The following BRINP1 variants were observed in gnomAD, a reference collection of about 807,000 sequenced individuals.
The protein encoded by BRINP1 is BMP/retinoic acid-inducible neural-specific protein 1.
BRINP1 carries 17 observed loss-of-function variants against 72.9 expected under a neutral mutation model. The ratio of observed to expected loss-of-function variants is 0.23; its 90% CI spans 0.16 to 0.35. The LOEUF (loss-of-function observed/expected upper bound fraction) is 0.35, where lower values mean the gene tolerates loss of function less well. Ranked by LOEUF, BRINP1 falls within the 10% of genes least tolerant of loss-of-function variation. BRINP1 has a pLI of 1.00. For missense variants in BRINP1, 850 were observed against 1,001.6 expected, an observed-to-expected ratio of 0.85 and a Z score of 2.04; for synonymous variants, 418 against 378.5, an observed-to-expected ratio of 1.10 and a Z score of -1.21.
In BRINP1 at chr9:119,170,644, C is replaced by A. The variant is rs1024415787; in HGVS notation, c.1146-2420G>T. Among the ~76,000 whole-genome samples, 9 of 144,572 alleles carry A rather than the reference C, an allele frequency of 6.2e-5. No homozygotes were observed. The South Asian group carries it at 1.9e-3, about 31-fold the overall frequency. The allele number at this position is 144,572 out of a possible 152,430, so 94.8% of individuals were successfully genotyped here. On this transcript the variant is annotated intron_variant, in intron 7 of 7. Transcript: ENST00000265922. ...AAATACAGAGAATGCCACAAAGATA[C>A]TCCTTGAGAAGAGCAACTCCAAGAC...
At chr9:119,318,708 T>G (rs1450072881) in intron 1 of BRINP1, among the ~76,000 whole-genome samples, 1 of 152,144 alleles carries the variant, frequency 6.6e-6, no homozygotes, top group Non-Finnish European at 1.5e-5. Flanking sequence ...TCTACATGGC[T>G]TCTATTGTAA....
rs79028929 is a variant in BRINP1, at chr9:119,344,001, C to A, written c.-51+25055G>T. ...CGCTTCCCCATCCTCAATCACAACCCTTTTAGTTGCTCCTTCCTCCAGAGC... is the reference window on the plus strand; with the variant it reads ...CGCTTCCCCATCCTCAATCACAACCATTTTAGTTGCTCCTTCCTCCAGAGC... On this transcript the variant is annotated intron_variant, in intron 1 of 7. Transcript: ENST00000265922. 1.1e-3 allele frequency among the ~76,000 whole-genome samples: 160 copies of A among 152,248 alleles called. 2 individuals are homozygous for A. The East Asian group carries it at 0.028, about 27-fold the overall frequency.
At position 119,242,124 on chromosome 9, in the gene BRINP1, C is replaced by G; in HGVS notation, c.502G>C (p.Ala168Pro). The change falls in exon 4 of 8, where the codon GCA becomes CCA. Residue 168 changes from alanine (A) to proline (P), a missense_variant. Coordinates refer to ENST00000265922, the MANE Select transcript of BRINP1 (RefSeq NM_014618.3). ...TCACGGTCAACAAAGTAGGATGATG[C>G]GAGCTGGTGCAGAGCTTCAACACTT... ...TQSVEALHQL[A>P]SSYFVDRDGT... 1 of 1,614,092 alleles carries G rather than the reference C, an allele frequency of 6.2e-7. No individual in the cohort carries two copies. Among genetic ancestry groups the G allele is most frequent in the Non-Finnish European group, 8.5e-7 (1 of 1,180,004 alleles).
chr9:119,303,882 T>C (rs898117940), intron 2 of BRINP1, among the ~76,000 whole-genome samples: 6 of 151,686 alleles, frequency 4.0e-5, no homozygotes, highest in Non-Finnish European at 5.9e-5. Context: ...TTTCTTTTTT[T>C]TTTTTTTTTA....
chr9:119,342,407 T>C (rs1284414139), intron 1 of BRINP1, among the ~76,000 whole-genome samples: 2 of 152,218 alleles, frequency 1.3e-5, no homozygotes, highest in East Asian at 3.8e-4. Context: ...TCCAATTCCT[T>C]TGTTTCACAG....
intron 7 of BRINP1, among the ~76,000 whole-genome samples, chr9:119,195,429 G>A (rs914971345): frequency 6.6e-6 from 1 of 152,188 alleles, no homozygotes; most frequent in African/African-American, 2.4e-5. Context: ...GTCAGTCTCA[G>A]TTTTCTCCTT....
intron 2 of BRINP1, among the ~76,000 whole-genome samples, chr9:119,261,227 G>A (rs560319595): frequency 1.3e-5 from 2 of 152,238 alleles, no homozygotes; most frequent in Non-Finnish European, 2.9e-5. Flanking sequence ...AAGCGTTATT[G>A]TTGTCCATTC....
chr9:119,261,030 T>A (rs1251666827), intron 2 of BRINP1, among the ~76,000 whole-genome samples: 1 of 152,154 alleles, frequency 6.6e-6, no homozygotes, highest in Non-Finnish European at 1.5e-5. Context: ...ATTTAAAATA[T>A]TCTCAATACT....
At chr9:119,360,147 C>T (rs1019822647) in intron 1 of BRINP1, among the ~76,000 whole-genome samples, 2 of 152,202 alleles carry the variant, frequency 1.3e-5, no homozygotes, top group Admixed American at 6.5e-5. Flanking sequence ...CCTCCCTAGC[C>T]TCGGCTAACT....
intron 1 of BRINP1, among the ~76,000 whole-genome samples, chr9:119,358,151 C>A (rs961222992): frequency 2.6e-5 from 4 of 151,954 alleles, no homozygotes; most frequent in African/African-American, 9.7e-5. Flanking sequence ...ATGCAAACAC[C>A]TAATAAAATA....
At chr9:119,301,897 C>A (rs989646906) in intron 2 of BRINP1, among the ~76,000 whole-genome samples, 6 of 152,198 alleles carry the variant, frequency 3.9e-5, no homozygotes, top group African/African-American at 1.4e-4. Context: ...GGATGACATA[C>A]TTTGCACCGT....
chr9:119,354,286 T>A (rs184456272), intron 1 of BRINP1, among the ~76,000 whole-genome samples: 1 of 152,150 alleles, frequency 6.6e-6, no homozygotes, highest in South Asian at 2.1e-4. Flanking sequence ...ATAAATCCAC[T>A]TTTAGAGATG....
At chr9:119,311,417 T>C (rs1361940373) in intron 2 of BRINP1, among the ~76,000 whole-genome samples, 1 of 152,200 alleles carries the variant, frequency 6.6e-6, no homozygotes, top group Non-Finnish European at 1.5e-5. Flanking sequence ...AAGTAAATCA[T>C]ACATGAAATC....
intron 4 of BRINP1, among the ~76,000 whole-genome samples, chr9:119,239,654 C>T (rs890367558): frequency 1.3e-5 from 2 of 152,112 alleles, no homozygotes; most frequent in African/African-American, 2.4e-5. Context: ...GCTGTGAAAC[C>T]TTGGATCAGT....
intron 1 of BRINP1, among the ~76,000 whole-genome samples, chr9:119,336,522 T>G: frequency 6.6e-6 from 1 of 151,566 alleles, no homozygotes; most frequent in East Asian, 2.0e-4. Flanking sequence ...GGAGAGGTGA[T>G]AGAGAGGGTG....
chr9:119,366,649 A>G (rs1831695711), intron 1 of BRINP1, among the ~76,000 whole-genome samples: 1 of 151,438 alleles, frequency 6.6e-6, no homozygotes, highest in South Asian at 2.1e-4. Context: ...ATCTCTGAAA[A>G]TGTGAAGTTT....
At chr9:119,349,563 C>T (rs1187075102) in intron 1 of BRINP1, among the ~76,000 whole-genome samples, 1 of 152,098 alleles carries the variant, frequency 6.6e-6, no homozygotes, top group African/African-American at 2.4e-5. Context: ...GGTTAAAAGC[C>T]GTCTCAGTTA....
At chr9:119,255,725 G>A (rs1213142488) in intron 2 of BRINP1, among the ~76,000 whole-genome samples, 2 of 151,966 alleles carry the variant, frequency 1.3e-5, no homozygotes, top group African/African-American at 2.4e-5. Flanking sequence ...AGGTCAAGGC[G>A]GGCAGATCGC....
intron 2 of BRINP1, among the ~76,000 whole-genome samples, chr9:119,288,798 GT>G (rs879743985): frequency 2.0e-4 from 29 of 148,042 alleles, no homozygotes; most frequent in Admixed American, 3.4e-4. Context: ...GTTTTGTTTT[GT>G]TTTTTTTTTT....
Sources: allele counts gnomAD v4.1 joint callset (sites outside exome capture counted in the v4.1 genomes callset), GRCh38; gene constraint gnomAD v4.1.1; transcripts MANE v1.5; gene names NCBI Gene and HGNC (gene_info 2026-07-23, HGNC 2026-07-21).